The following WDR72 variants were observed in gnomAD, a reference collection of about 807,000 sequenced individuals.
WDR72 encodes WD repeat domain 72, also known as WD repeat-containing protein 72.
WDR72 carries 120 observed loss-of-function variants against 124.2 expected under a neutral mutation model. The ratio of observed to expected loss-of-function variants is 0.97; its 90% CI spans 0.83 to 1.12. The LOEUF is 1.12. WDR72 is among the 50% of genes most tolerant of loss of function. The pLI is 0.00. For missense variants in WDR72, 1,387 were observed against 1,278.8 expected (o/e 1.08, Z -1.29); for synonymous variants, 452 against 441.7 (o/e 1.02, Z -0.29).
At chr15:53,711,689 T>A (rs2017544593) in intron 7 of WDR72, among the ~76,000 whole-genome samples, 1 of 152,214 alleles carries the variant, frequency 6.6e-6, no homozygotes, top group African/African-American at 2.4e-5. Flanking sequence ...TTCATCTGGT[T>A]ATATCATTCC....
rs968941246 is a variant in WDR72, at chr15:53,648,920, A to C, written c.1962+16652T>G. Among the ~76,000 whole-genome samples, 8 of 136,396 alleles carry C rather than the reference A, an allele frequency of 5.9e-5. 1 individual carries two copies. Among genetic ancestry groups the C allele is most frequent in the African/African-American group, 3.0e-4 (8 of 26,542 alleles). The allele number at this position is 136,396 out of a possible 152,430, so 89.5% of individuals were successfully genotyped here. On this transcript the variant is annotated intron_variant, in intron 14 of 19. Coordinates refer to ENST00000360509, the MANE Select transcript of WDR72 (RefSeq NM_182758.4). ...GAAGAAACAAGACAAAAATCTCTGA[A>C]AACCCAAAAGAGAGCTTACAAACCA...
chr15:53,749,337 G>T (rs578244403), intron 1 of WDR72, among the ~76,000 whole-genome samples: 2 of 152,072 alleles, frequency 1.3e-5, no homozygotes, highest in South Asian at 2.1e-4. Context: ...CTGTTGTGGT[G>T]GTCTGTGATC....
intron 13 of WDR72, among the ~76,000 whole-genome samples, chr15:53,667,379 C>A (rs1175136017): frequency 4.0e-5 from 6 of 151,804 alleles, no homozygotes; most frequent in Non-Finnish European, 8.8e-5. Flanking sequence ...CAAAGTTCGT[C>A]ACAATGGTAT....
chr15:53,700,016 T>C, intron 12 of WDR72, 71 bp from the exon 13 acceptor site: 1 of 1,588,144 alleles, frequency 6.3e-7, no homozygotes, highest in Non-Finnish European at 8.6e-7. Flanking sequence ...CAGATTTTTT[T>C]CTCCCAGTAA....
chr15:53,519,595 T>C, intron 19 of WDR72, among the ~76,000 whole-genome samples: 1 of 152,098 alleles, frequency 6.6e-6, no homozygotes, highest in Non-Finnish European at 1.5e-5. Context: ...GACAAGACAC[T>C]ACTCAGAGAC....
intron 13 of WDR72, 101 bp from the exon 14 acceptor site, chr15:53,665,869 G>T: frequency 8.4e-7 from 1 of 1,190,438 alleles, no homozygotes; most frequent in Non-Finnish European, 1.2e-6. Context: ...AATCCTTTAA[G>T]TTATCGTGCC....
chr15:53,665,205 TTTTG>T (rs1484015979), intron 14 of WDR72, among the ~76,000 whole-genome samples: 1 of 148,170 alleles, frequency 6.7e-6, no homozygotes, highest in Non-Finnish European at 1.5e-5. Flanking sequence ...CTGATTTTTT[TTTTG>T]TTTATTTTCA....
At chr15:53,698,535 T>C (rs1480913433) in intron 13 of WDR72, among the ~76,000 whole-genome samples, 1 of 152,180 alleles carries the variant, frequency 6.6e-6, no homozygotes, top group Non-Finnish European at 1.5e-5. Context: ...GCAGTATTAT[T>C]ACCCCATTTC....
At chr15:53,543,951 A>G (rs1893308107) in intron 18 of WDR72, among the ~76,000 whole-genome samples, 2 of 152,122 alleles carry the variant, frequency 1.3e-5, no homozygotes, top group African/African-American at 4.8e-5. Flanking sequence ...CTCTCCCAAG[A>G]CTGAACCAGG....
chr15:53,616,497 G>A (rs1380205975), intron 14 of WDR72, among the ~76,000 whole-genome samples: 4 of 151,368 alleles, frequency 2.6e-5, no homozygotes, highest in Admixed American at 6.6e-5. Flanking sequence ...TATGTCTCTG[G>A]AGTAAGATGG....
At chr15:53,661,271 G>A (rs1375760740) in intron 14 of WDR72, among the ~76,000 whole-genome samples, 1 of 152,148 alleles carries the variant, frequency 6.6e-6, no homozygotes, top group African/African-American at 2.4e-5. Flanking sequence ...GATTCTGCTG[G>A]CTGGAAGACA....
At chr15:53,659,142 A>C (rs898909331) in intron 14 of WDR72, among the ~76,000 whole-genome samples, 4 of 151,900 alleles carry the variant, frequency 2.6e-5, no homozygotes, top group Non-Finnish European at 5.9e-5. Flanking sequence ...TAAAAGTTTC[A>C]TTTTTATGAG....
chr15:53,690,043 G>A (rs113993211), intron 13 of WDR72, among the ~76,000 whole-genome samples: 9,214 of 133,034 alleles, frequency 0.069, 780 homozygotes, highest in African/African-American at 0.21. Flanking sequence ...AGGAAGGGGA[G>A]CATCACACTC....
intron 6 of WDR72, among the ~76,000 whole-genome samples, chr15:53,714,074 G>A (rs1007029792): frequency 3.3e-5 from 5 of 152,002 alleles, no homozygotes; most frequent in African/African-American, 1.2e-4. Context: ...CAAGTTTTTA[G>A]GGTCATTTGC....
At chr15:53,565,295 TTTC>T (rs1282645877) in intron 18 of WDR72, among the ~76,000 whole-genome samples, 1 of 151,930 alleles carries the variant, frequency 6.6e-6, no homozygotes, top group African/African-American at 2.4e-5. Flanking sequence ...TAGGACTTTT[TTTC>T]TTTTCAATAA....
chr15:53,671,439 T>C (rs927035354), intron 13 of WDR72, among the ~76,000 whole-genome samples: 4 of 152,202 alleles, frequency 2.6e-5, no homozygotes, highest in Admixed American at 1.3e-4. Context: ...CTTTATTTGC[T>C]TGCTTCCCCA....
chr15:53,607,700 A>G (rs1201432921), intron 17 of WDR72, among the ~76,000 whole-genome samples: 1 of 152,116 alleles, frequency 6.6e-6, no homozygotes, highest in African/African-American at 2.4e-5. Context: ...CAAAGGAAAC[A>G]ATCAACAAAA....
Position 53,515,321 on chromosome 15 carries a change from A to T in WDR72, c.*2378T>A, listed in dbSNP as rs767102554. On this transcript the variant is annotated 3_prime_UTR_variant, in exon 20 of 20. Transcript: ENST00000360509. ...TTTTGAGTTTCTGGGTGTAGTACCA[A>T]GTGGTTATGATCACCACGTACGTGG... 2 of 152,108 alleles carry T rather than the reference A, an allele frequency of 1.3e-5. No homozygotes were observed. The highest frequency in any genetic ancestry group is 2.9e-5 in the Non-Finnish European group (2 of 68,014). The allele number at this position is 152,108 out of a possible 1,614,324, so 9.4% of individuals were successfully genotyped here.
chr15:53,664,214 A>G (rs955784888), intron 14 of WDR72, among the ~76,000 whole-genome samples: 12 of 152,128 alleles, frequency 7.9e-5, no homozygotes, highest in African/African-American at 2.9e-4. Flanking sequence ...CATTTCCATC[A>G]AGGCACCCTG....
Sources: gnomAD v4.1 joint callset for allele counts (sites outside exome capture counted in the v4.1 genomes callset) on GRCh38, gnomAD v4.1.1 for gene constraint, MANE v1.5 for transcripts, NCBI Gene and HGNC (gene_info 2026-07-23, HGNC 2026-07-21) for gene names.